The following OPCML variants were observed in gnomAD, a reference collection of about 807,000 sequenced individuals.
The protein encoded by OPCML is opioid binding protein/cell adhesion molecule like, also known as opioid-binding protein/cell adhesion molecule.
Under a neutral mutation model 37.8 loss-of-function variants are expected in OPCML, and 13 were observed. The observed-to-expected ratio is 0.34, with a 90% CI of 0.22 to 0.55. The LOEUF is 0.55. Among genes scored for constraint, OPCML ranks in the 20% least tolerant of loss-of-function variants. The pLI is 0.91. For synonymous variants in OPCML, 176 were observed against 168.8 expected (o/e 1.04, Z -0.33); for missense variants, 341 against 435.6 (o/e 0.78, Z 1.93).
chr11:132,872,816 C>T (rs1028114889), intron 2 of OPCML, among the ~76,000 whole-genome samples: 8 of 152,046 alleles, frequency 5.3e-5, no homozygotes, highest in Non-Finnish European at 8.8e-5. Flanking sequence ...TCCTCCATGC[C>T]TTGATTTCTT....
At chr11:133,269,001 A>C (rs1431933144) in intron 1 of OPCML, among the ~76,000 whole-genome samples, 2 of 152,166 alleles carry the variant, frequency 1.3e-5, no homozygotes, top group African/African-American at 4.8e-5. Context: ...TACCTCTTTG[A>C]TGTGTGCTCC....
intron 1 of OPCML, among the ~76,000 whole-genome samples, chr11:133,366,525 G>A (rs1944543384): frequency 6.6e-6 from 1 of 152,134 alleles, no homozygotes; most frequent in African/African-American, 2.4e-5. Flanking sequence ...CTTGAAATTG[G>A]GAAGGAAGAC....
intron 1 of OPCML, among the ~76,000 whole-genome samples, chr11:133,021,563 G>A (rs778483448): frequency 1.1e-4 from 14 of 122,514 alleles, no homozygotes; most frequent in African/African-American, 2.0e-4. Flanking sequence ...GGGAGTACAC[G>A]GCTTCCTCCT....
chr11:133,196,651 TAG>T (rs1380824876), intron 1 of OPCML, among the ~76,000 whole-genome samples: 1 of 152,058 alleles, frequency 6.6e-6, no homozygotes, highest in Non-Finnish European at 1.5e-5. Flanking sequence ...AAAGCCAGCA[TAG>T]AGTAATGGAA....
intron 2 of OPCML, among the ~76,000 whole-genome samples, chr11:132,925,802 G>C (rs891467874): frequency 6.6e-6 from 1 of 152,088 alleles, no homozygotes; most frequent in African/African-American, 2.4e-5. Context: ...AGTGTGTTGA[G>C]GGTTTTTTCT....
At chr11:132,572,059 T>C (rs2096439859) in intron 3 of OPCML, among the ~76,000 whole-genome samples, 1 of 152,138 alleles carries the variant, frequency 6.6e-6, no homozygotes, top group Non-Finnish European at 1.5e-5. Context: ...CATTTGTATG[T>C]CTTCTTTGGA....
chr11:133,064,250 C>T (rs1352884629), intron 1 of OPCML, among the ~76,000 whole-genome samples: 1 of 152,156 alleles, frequency 6.6e-6, no homozygotes, highest in Non-Finnish European at 1.5e-5. Context: ...CAGACGCTGC[C>T]GGGTAACTGA....
At chr11:133,447,020 A>G (rs916232421) in intron 1 of OPCML, among the ~76,000 whole-genome samples, 5 of 152,216 alleles carry the variant, frequency 3.3e-5, no homozygotes, top group African/African-American at 1.2e-4. Flanking sequence ...TTGCAGACAT[A>G]TCTTTTCATT....
intron 2 of OPCML, among the ~76,000 whole-genome samples, chr11:132,738,852 G>T (rs778398964): frequency 6.6e-6 from 1 of 152,078 alleles, no homozygotes; most frequent in Admixed American, 6.6e-5. Context: ...ACCTTGTATT[G>T]AACTCTCAGA....
chr11:133,429,452 A>G (rs1309256710), intron 1 of OPCML, among the ~76,000 whole-genome samples: 1 of 152,252 alleles, frequency 6.6e-6, no homozygotes, highest in Non-Finnish European at 1.5e-5. Flanking sequence ...GGCACGGGAC[A>G]GAGGCATGGC....
At chr11:132,547,857 G>T (rs2096372341) in intron 3 of OPCML, among the ~76,000 whole-genome samples, 1 of 152,100 alleles carries the variant, frequency 6.6e-6, no homozygotes, top group Non-Finnish European at 1.5e-5. Context: ...CAAGCAGCGT[G>T]CATTGGTGGA....
At chr11:133,134,831 G>A (rs1949661387) in intron 1 of OPCML, among the ~76,000 whole-genome samples, 1 of 152,192 alleles carries the variant, frequency 6.6e-6, no homozygotes, top group African/African-American at 2.4e-5. Flanking sequence ...CAGCTACAAG[G>A]CAGCAGGAAA....
At chr11:133,420,276 C>T in intron 1 of OPCML, 1 of 985,390 alleles carries the variant, frequency 1.0e-6, no homozygotes, top group Non-Finnish European at 1.2e-6. Flanking sequence ...CAAAGATACT[C>T]CTGAACGTCT....
chr11:133,138,170 A>C (rs919758212), intron 1 of OPCML, among the ~76,000 whole-genome samples: 1 of 152,020 alleles, frequency 6.6e-6, no homozygotes, highest in Non-Finnish European at 1.5e-5. Context: ...GTTCCTCCCC[A>C]TGTTTGGTCT....
intron 2 of OPCML, among the ~76,000 whole-genome samples, chr11:132,909,016 G>A (rs1489032444): frequency 4.0e-5 from 6 of 148,378 alleles, no homozygotes; most frequent in Non-Finnish European, 7.5e-5. Context: ...CTGTGCCATC[G>A]CTCCTCCTCA....
intron 1 of OPCML, among the ~76,000 whole-genome samples, chr11:133,248,147 G>A (rs1941011591): frequency 6.6e-6 from 1 of 152,212 alleles, no homozygotes; most frequent in Non-Finnish European, 1.5e-5. Flanking sequence ...TGAAGCAATG[G>A]AAGGAGATAA....
chr11:132,631,002 T>C (rs1306133014), intron 3 of OPCML, among the ~76,000 whole-genome samples: 1 of 151,966 alleles, frequency 6.6e-6, no homozygotes, highest in Non-Finnish European at 1.5e-5. Context: ...GCATGATAAA[T>C]GAAAGAAGCT....
chr11:132,810,005 A>G (rs898372698), intron 2 of OPCML, among the ~76,000 whole-genome samples: 4 of 151,850 alleles, frequency 2.6e-5, no homozygotes, highest in South Asian at 2.1e-4. Context: ...GCCCGCCACC[A>G]CGCCCGGCTA....
chr11:133,492,601 CAGA>C (rs1225111675), intron 1 of OPCML, among the ~76,000 whole-genome samples: 3 of 150,394 alleles, frequency 2.0e-5, no homozygotes, highest in Non-Finnish European at 1.5e-5. Context: ...CCCAGGGTTG[CAGA>C]AGAATTAAGT....
Sources: gnomAD v4.1 joint callset for allele counts (sites outside exome capture counted in the v4.1 genomes callset) on GRCh38, gnomAD v4.1.1 for gene constraint, MANE v1.5 for transcripts, NCBI Gene and HGNC (gene_info 2026-07-23, HGNC 2026-07-21) for gene names.